The following CMTM4 variants were observed in gnomAD, a reference collection of about 807,000 sequenced individuals.
CMTM4 encodes CKLF like MARVEL transmembrane domain containing 4.
CMTM4 carries 8 observed loss-of-function variants against 19.0 expected under a neutral mutation model. The observed-to-expected ratio is 0.42, with a 90% CI of 0.25 to 0.76. The LOEUF (loss-of-function observed/expected upper bound fraction) is 0.76, where lower values mean the gene tolerates loss of function less well. CMTM4 is among the 30% of genes least tolerant of loss of function. The probability of loss-of-function intolerance (pLI) is 0.27; values close to 1 mark genes in which losing one functional copy is unlikely to be tolerated. For synonymous variants in CMTM4, 106 were observed against 121.1 expected (o/e 0.88, Z 0.82); for missense variants, 228 against 290.2 (o/e 0.79, Z 1.56).
intron 1 of CMTM4, among the ~76,000 whole-genome samples, chr16:66,653,985 C>G (rs1300213311): frequency 6.6e-6 from 1 of 152,130 alleles, no homozygotes; most frequent in African/African-American, 2.4e-5. Flanking sequence ...AAGTGATCCA[C>G]CTGCCTCGGC....
chr16:66,673,923 A>C (rs2016758056), intron 1 of CMTM4, among the ~76,000 whole-genome samples: 1 of 152,214 alleles, frequency 6.6e-6, no homozygotes, highest in Non-Finnish European at 1.5e-5. Context: ...GCTGTCTTCC[A>C]CAATGGGGCC....
chr16:66,674,361 T>A (rs1053364482), intron 1 of CMTM4, among the ~76,000 whole-genome samples: 10 of 152,112 alleles, frequency 6.6e-5, no homozygotes, highest in African/African-American at 2.4e-4. Flanking sequence ...TCCTGGCAAC[T>A]CAGGCCAACA....
intron 1 of CMTM4, among the ~76,000 whole-genome samples, chr16:66,648,352 G>A (rs1179836226): frequency 6.6e-6 from 1 of 152,180 alleles, no homozygotes; most frequent in East Asian, 1.9e-4. Context: ...GTTTGGGAAT[G>A]AAAATATTTT....
intron 2 of CMTM4, among the ~76,000 whole-genome samples, chr16:66,636,167 C>T (rs547655145): frequency 1.3e-5 from 2 of 152,316 alleles, no homozygotes; most frequent in Non-Finnish European, 2.9e-5. Context: ...ATTGAAATGA[C>T]ATCTTTAAGG....
chr16:66,646,943 G>A lies in CMTM4; in HGVS notation c.187-10362C>T, dbSNP rs1193393328. The stretch of plus-strand genomic sequence containing the variant: ...GATGGTCTCGAACTCCTGACCTCAG[G>A]TGATCTACCCACTTCGGCCTCCCAA... On this transcript the variant is annotated intron_variant, in intron 1 of 3. Transcript: ENST00000394106. Among the ~76,000 whole-genome samples the A allele has an allele frequency of 5.3e-5, 8 of 151,848 alleles. No homozygotes were observed. The East Asian group carries it at 1.6e-3, about 30-fold the overall frequency.
chr16:66,681,599 C>A (rs1485041615), intron 1 of CMTM4, among the ~76,000 whole-genome samples: 2 of 152,190 alleles, frequency 1.3e-5, no homozygotes, highest in African/African-American at 4.8e-5. Flanking sequence ...CCACCGCGCC[C>A]AGCCTTCCCT....
At chr16:66,613,326 C>T, downstream of CMTM4, 1 of 580,710 alleles carries the variant, frequency 1.7e-6, no homozygotes, top group African/African-American at 1.9e-5. Context: ...CATAGACTGA[C>T]TGGTCCAGAA....
intron 1 of CMTM4, among the ~76,000 whole-genome samples, chr16:66,671,520 T>C (rs1336074121): frequency 1.3e-5 from 2 of 152,206 alleles, no homozygotes; most frequent in East Asian, 3.8e-4. Flanking sequence ...TGATCCCTTC[T>C]AGAACTAACC....
chr16:66,662,336 C>T (rs1213961767), intron 1 of CMTM4, among the ~76,000 whole-genome samples: 1 of 152,126 alleles, frequency 6.6e-6, no homozygotes, highest in Non-Finnish European at 1.5e-5. Context: ...TCCAGTGTTC[C>T]CCAGCTTAGA....
the CMTM4 span, among the ~76,000 whole-genome samples, chr16:66,602,143 T>C: frequency 2.0e-4 from 30 of 152,202 alleles, no homozygotes; most frequent in African/African-American, 6.8e-4. Flanking sequence ...ACGCCTGTAA[T>C]CCCAAACCTT....
At chr16:66,674,660 G>A (rs186773464) in intron 1 of CMTM4, among the ~76,000 whole-genome samples, 78 of 150,852 alleles carry the variant, frequency 5.2e-4, no homozygotes, top group African/African-American at 1.8e-3. Context: ...TGTTCATTCC[G>A]TCATTTGGTG....
At chr16:66,686,526 G>A (rs1008697673) in intron 1 of CMTM4, among the ~76,000 whole-genome samples, 2 of 99,212 alleles carry the variant, frequency 2.0e-5, no homozygotes, top group Non-Finnish European at 4.5e-5. Context: ...TCCAGCCTGG[G>A]TGACAGTCAG....
intron 2 of CMTM4, 21 bp downstream of exon 2, chr16:66,636,384 A>C: frequency 2.5e-6 from 4 of 1,605,486 alleles, no homozygotes; most frequent in Non-Finnish European, 3.4e-6. Flanking sequence ...TTTCATGGCC[A>C]GAGTGGCCGC....
rs898843636 is a variant in CMTM4 at position 66,654,890 on chromosome 16, A to T, written c.187-18309T>A. Among the ~76,000 whole-genome samples, 56 of 152,216 alleles carry T rather than the reference A, an allele frequency of 3.7e-4. 1 individual carries two copies. Among genetic ancestry groups the T allele is most frequent in the African/African-American group, 1.3e-3 (54 of 41,454 alleles). On this transcript the variant is annotated intron_variant, in intron 1 of 3. Transcript: ENST00000394106. ...GCAGCCACTGTCCTTACTATGTGAA[A>T]GGGCCAACAGAGCCCTCAGATATAT...
At chr16:66,611,536 G>A (rs1001393590), downstream of CMTM4, among the ~76,000 whole-genome samples, 1 of 152,102 alleles carries the variant, frequency 6.6e-6, no homozygotes, top group African/African-American at 2.4e-5. Flanking sequence ...TGGGGTTTAG[G>A]GACTAGGCTG....
At chr16:66,612,664 G>T (rs781315774), downstream of CMTM4, 4 of 1,612,396 alleles carry the variant, frequency 2.5e-6, no homozygotes, top group African/African-American at 1.3e-5. The surrounding 1 kb of genome is among the most constrained non-coding windows in gnomAD (Gnocchi z 6.0). Flanking sequence ...TTGGCAACCT[G>T]AGCCACACAG....
intron 1 of CMTM4, among the ~76,000 whole-genome samples, chr16:66,638,055 C>G (rs549399448): frequency 6.6e-6 from 1 of 152,160 alleles, no homozygotes; most frequent in Non-Finnish European, 1.5e-5. Flanking sequence ...TTCCAATGCT[C>G]CACTTGATGA....
At position 66,621,408 on chromosome 16, in the gene CMTM4, G is replaced by A; in HGVS notation, c.*650C>T. 3 of 985,870 alleles carry A rather than the reference G, an allele frequency of 3.0e-6. No individual in the cohort carries two copies. Among genetic ancestry groups the A allele is most frequent in the Non-Finnish European group, 3.6e-6 (3 of 829,942 alleles). The allele number at this position is 985,870 out of a possible 1,614,324, so 61.1% of individuals were successfully genotyped here. On this transcript the variant is annotated 3_prime_UTR_variant, in exon 4 of 4. Coordinates refer to ENST00000394106, the MANE Select transcript of CMTM4 (RefSeq NM_181521.3). ...CCCCATATTCCTGGAGAAGAATCTG[G>A]GGTTCAGGAAGGTGATTCATTTGAG...
At chr16:66,600,211 C>T in the CMTM4 span, among the ~76,000 whole-genome samples, 1 of 148,154 alleles carries the variant, frequency 6.7e-6, no homozygotes, top group African/African-American at 2.5e-5. Context: ...GGCACGATCT[C>T]AGCTCACTGC....
Sources: allele counts gnomAD v4.1 joint callset (sites outside exome capture counted in the v4.1 genomes callset), GRCh38; gene constraint gnomAD v4.1.1; non-coding constraint Gnocchi (gnomAD v3.1); transcripts MANE v1.5; gene names NCBI Gene and HGNC (gene_info 2026-07-23, HGNC 2026-07-21).